GRM7: variants seen among roughly 807,000 people sequenced by gnomAD.
GRM7 encodes the protein metabotropic glutamate receptor 7.
In GRM7, 35 loss-of-function variants were observed where a neutral mutation model predicts 84.5. The observed-to-expected ratio is 0.41, with a 90% CI of 0.32 to 0.55. The LOEUF is 0.55. Ranked by LOEUF, GRM7 falls within the 20% of genes least tolerant of loss-of-function variation. GRM7 has a pLI of 0.19. For missense variants in GRM7, 1,003 were observed against 1,194.6 expected (o/e 0.84, Z 2.36); for synonymous variants, 487 against 455.1 (o/e 1.07, Z -0.89).
At chr3:7,411,112 T>C (rs1436168797) in intron 4 of GRM7, among the ~76,000 whole-genome samples, 1 of 152,218 alleles carries the variant, frequency 6.6e-6, no homozygotes, top group East Asian at 1.9e-4. Context: ...CTCTTCTGTA[T>C]GTATCTTATA....
At chr3:7,290,149 A>G (rs1037432714) in intron 2 of GRM7, among the ~76,000 whole-genome samples, 3 of 152,236 alleles carry the variant, frequency 2.0e-5, no homozygotes, top group African/African-American at 4.8e-5. Flanking sequence ...AAATGAATAC[A>G]TGAATCTAAA....
At chr3:7,008,063 G>C (rs900872124) in intron 1 of GRM7, among the ~76,000 whole-genome samples, 12 of 151,914 alleles carry the variant, frequency 7.9e-5, no homozygotes, top group African/African-American at 2.7e-4. Context: ...AGATGGTATA[G>C]ACTCCCTACA....
At chr3:7,125,043 G>A (rs1693351626) in intron 1 of GRM7, among the ~76,000 whole-genome samples, 2 of 152,154 alleles carry the variant, frequency 1.3e-5, no homozygotes, top group African/African-American at 4.8e-5. Context: ...GGGTTCAAGT[G>A]ATTCTCCTGC....
intron 4 of GRM7, among the ~76,000 whole-genome samples, chr3:7,400,816 A>G (rs1175110711): frequency 6.6e-6 from 1 of 152,120 alleles, no homozygotes; most frequent in Non-Finnish European, 1.5e-5. Context: ...TCTGCTTTTT[A>G]GCTATGAGCC....
chr3:6,940,408 G>A (rs912881520), intron 1 of GRM7, among the ~76,000 whole-genome samples: 2 of 152,118 alleles, frequency 1.3e-5, no homozygotes, highest in Non-Finnish European at 2.9e-5. Flanking sequence ...ATTTAAGTGA[G>A]AAATTTGTTC....
intron 7 of GRM7, among the ~76,000 whole-genome samples, chr3:7,515,271 A>C (rs563089452): frequency 6.6e-6 from 1 of 151,428 alleles, no homozygotes; most frequent in Non-Finnish European, 1.5e-5. Flanking sequence ...TAACTTCAGG[A>C]CTACGGACGT....
chr3:7,031,456 G>A (rs111703819), intron 1 of GRM7, among the ~76,000 whole-genome samples: 4,750 of 150,944 alleles, frequency 0.031, 270 homozygotes, highest in African/African-American at 0.11. Context: ...TTGCTCTGTC[G>A]CCCAGGCTAG....
intron 2 of GRM7, among the ~76,000 whole-genome samples, chr3:7,240,105 CT>C (rs938234484): frequency 8.3e-5 from 9 of 108,838 alleles, no homozygotes; most frequent in African/African-American, 3.1e-4. Context: ...TACCAGTAAT[CT>C]TTTAGCATGT....
In GRM7 at chr3:6,863,604, T is replaced by C. The variant is rs936195367; in HGVS notation, c.519+1697T>C. ...AGCCATCACTCTGAGTTCCTTGCTT[T>C]TGGGAAGAACCTGGCTTGTAGCTGA... On this transcript the variant is annotated intron_variant, in intron 1 of 9. Coordinates refer to ENST00000357716, the MANE Select transcript of GRM7 (RefSeq NM_000844.4). This position sits in a 1 kb window ranked among gnomAD's most constrained non-coding sequence, Gnocchi z 4.8. Among the ~76,000 whole-genome samples, 1 of 152,142 alleles carries C rather than the reference T, an allele frequency of 6.6e-6. No individual in the cohort carries two copies. The highest frequency in any genetic ancestry group is 2.4e-5 in the African/African-American group (1 of 41,448).
chr3:7,429,417 T>C (rs1696740842), intron 5 of GRM7, among the ~76,000 whole-genome samples: 1 of 152,206 alleles, frequency 6.6e-6, no homozygotes, highest in Non-Finnish European at 1.5e-5. Context: ...TATTCAGCCA[T>C]TGGCAAAACT....
At chr3:7,290,007 T>TA in intron 2 of GRM7, among the ~76,000 whole-genome samples, 1 of 151,838 alleles carries the variant, frequency 6.6e-6, no homozygotes, top group Admixed American at 6.6e-5. Flanking sequence ...TAAAGTATAA[T>TA]AAAAAATAAA....
chr3:7,217,604 C>A (rs531467271), intron 2 of GRM7, among the ~76,000 whole-genome samples: 1 of 144,978 alleles, frequency 6.9e-6, no homozygotes, highest in Non-Finnish European at 1.5e-5. Context: ...TGTCCACACA[C>A]CCATGTGCTA....
intron 2 of GRM7, among the ~76,000 whole-genome samples, chr3:7,223,544 C>G (rs890750071): frequency 2.0e-5 from 3 of 151,404 alleles, no homozygotes; most frequent in African/African-American, 7.3e-5. Flanking sequence ...CTCCTCTTTC[C>G]TCTCCTGAAT....
intron 1 of GRM7, among the ~76,000 whole-genome samples, chr3:7,135,895 T>C (rs1486778714): frequency 6.6e-6 from 1 of 152,038 alleles, no homozygotes; most frequent in Non-Finnish European, 1.5e-5. Flanking sequence ...TGGTGGAAAT[T>C]TGGATTTTTA....
chr3:7,286,847 T>C (rs569472736), intron 2 of GRM7, among the ~76,000 whole-genome samples: 13 of 152,312 alleles, frequency 8.5e-5, no homozygotes, highest in Admixed American at 2.6e-4. Context: ...ATCTTTCATG[T>C]CTATTATCAA....
At chr3:7,650,608 G>T (rs942173039) in intron 8 of GRM7, among the ~76,000 whole-genome samples, 2 of 152,160 alleles carry the variant, frequency 1.3e-5, no homozygotes, top group African/African-American at 4.8e-5. Context: ...GTTAATTATT[G>T]ATTACAATAG....
chr3:7,578,667 C>T lies in GRM7; in HGVS notation c.1761C>T (p.His587=), dbSNP rs1158388892. The T allele has an allele frequency of 2.5e-6, 4 of 1,614,018 alleles. No homozygotes were observed. The South Asian group carries it at 4.4e-5, about 18-fold the overall frequency. The change falls in exon 8 of 10, where the codon CAC becomes CAT. Residue 587 remains histidine (H), a synonymous_variant. Coordinates refer to ENST00000357716, the MANE Select transcript of GRM7 (RefSeq NM_000844.4). The part of the protein sequence containing the change: ...QDIPIIKLEW[H]SPWAVIPVFL... Reference sequence around the variant, plus strand: ...TTCCCATCATCAAACTGGAGTGGCACTCCCCCTGGGCTGTGATTCCTGTCT... The same window carrying T: ...TTCCCATCATCAAACTGGAGTGGCATTCCCCCTGGGCTGTGATTCCTGTCT...
At chr3:7,250,035 C>T (rs371277418) in intron 2 of GRM7, among the ~76,000 whole-genome samples, 3 of 152,154 alleles carry the variant, frequency 2.0e-5, no homozygotes, top group Non-Finnish European at 2.9e-5. Flanking sequence ...GTTAGTCGCA[C>T]GGTCCCCGCC....
Position 7,130,653 on chromosome 3 carries a change from T to G in GRM7, c.520-15799T>G, listed in dbSNP as rs541328115. ...AAACTTGTTAAAATACAGCTAGTGG[T>G]GTTGGCACTGATGACCTTCTCTCTC... On this transcript the variant is annotated intron_variant, in intron 1 of 9. Coordinates refer to ENST00000357716, the MANE Select transcript of GRM7 (RefSeq NM_000844.4). Among the ~76,000 whole-genome samples the G allele has an allele frequency of 9.9e-5, 15 of 152,080 alleles. No individual in the cohort carries two copies. In the South Asian group the frequency reaches 1.7e-3, roughly 17 times the overall value.
Sources: allele counts gnomAD v4.1 joint callset (sites outside exome capture counted in the v4.1 genomes callset), GRCh38; gene constraint gnomAD v4.1.1; non-coding constraint Gnocchi (gnomAD v3.1); transcripts MANE v1.5; gene names NCBI Gene and HGNC (gene_info 2026-07-23, HGNC 2026-07-21).